BBS1: variants seen among roughly 807,000 people sequenced by gnomAD.
BBS1 encodes the protein BBSome complex member BBS1.
BBS1 carries 60 observed loss-of-function variants against 73.9 expected under a neutral mutation model. The observed-to-expected ratio is 0.81, with a 90% CI of 0.66 to 1.01. The LOEUF (loss-of-function observed/expected upper bound fraction) is 1.01, where lower values mean the gene tolerates loss of function less well. BBS1 is among the 50% of genes least tolerant of loss of function. The probability of loss-of-function intolerance (pLI) is 0.00; values close to 1 mark genes in which losing one functional copy is unlikely to be tolerated. For synonymous variants in BBS1, 283 were observed against 317.4 expected (o/e 0.89, Z 1.15); for missense variants, 718 against 770.3 (o/e 0.93, Z 0.80).
chr11:66,511,541 A>G (rs988491731), intron 3 of BBS1, among the ~76,000 whole-genome samples: 11 of 152,092 alleles, frequency 7.2e-5, no homozygotes, highest in African/African-American at 2.7e-4. Flanking sequence ...TGGGCACTAG[A>G]ATCTGGAGGG....
At position 66,511,073 on chromosome 11, in the gene BBS1, CT is replaced by C; in HGVS notation, c.112del (p.Ser38LeufsTer4). The C allele has an allele frequency of 3.7e-6, 6 of 1,614,202 alleles. No individual in the cohort carries two copies. The highest frequency in any genetic ancestry group is 5.1e-6 in the Non-Finnish European group (6 of 1,180,050). ...HYDPMANIHTFSACLALADLH... is the reference protein window; with the variant it reads ...HYDPMANIHTXSACLALADLH... ...ACGACCCAATGGCCAATATCCACAC[CT>C]TTTCTGCCTGCCTAGGTGAGTCTCT... is the stretch of plus-strand genomic sequence containing the variant. On this transcript the variant is annotated frameshift_variant, in exon 2 of 17. Transcript: ENST00000318312. LOFTEE classifies it high-confidence loss of function.
intron 9 of BBS1, among the ~76,000 whole-genome samples, chr11:66,522,069 T>A (rs1856258121): frequency 6.6e-6 from 1 of 150,420 alleles, no homozygotes; most frequent in Admixed American, 6.6e-5. Flanking sequence ...TACAAAAAAT[T>A]AGCTGGGCAT....
At chr11:66,514,173 TATC>T (rs1167833440) in intron 3 of BBS1, among the ~76,000 whole-genome samples, 1 of 152,238 alleles carries the variant, frequency 6.6e-6, no homozygotes, top group African/African-American at 2.4e-5. Context: ...TGTAACTCAT[TATC>T]TCACTTGATT....
chr11:66,531,801 G>A, intron 16 of BBS1, 59 bp downstream of exon 16: 1 of 1,613,738 alleles, frequency 6.2e-7, no homozygotes, highest in Non-Finnish European at 8.5e-7. Context: ...GGACAGTAAG[G>A]GTGAGTGCCA....
intron 9 of BBS1, among the ~76,000 whole-genome samples, chr11:66,522,579 C>G (rs1223663912): frequency 6.6e-6 from 1 of 152,086 alleles, no homozygotes; most frequent in Non-Finnish European, 1.5e-5. Context: ...AACGCCTGAC[C>G]TTGTGATCCA....
Position 66,526,203 on chromosome 11 carries a change from T to A in BBS1, c.1180+11T>A. On this transcript the variant is annotated intron_variant, in intron 12 of 16. Coordinates refer to ENST00000318312, the MANE Select transcript of BBS1 (RefSeq NM_024649.5). Reference sequence around the variant, plus strand: ...TCATGACCACTCGAGGTGAGTGGAGTCAGACCTGGCAAGGGCTTTGAAGTC... The same window carrying A: ...TCATGACCACTCGAGGTGAGTGGAGACAGACCTGGCAAGGGCTTTGAAGTC... 3 of 1,612,848 alleles carry A rather than the reference T, an allele frequency of 1.9e-6. No individual in the cohort carries two copies. Among genetic ancestry groups the A allele is most frequent in the Non-Finnish European group, 2.5e-6 (3 of 1,179,294 alleles).
intron 10 of BBS1, 30 bp from the exon 11 acceptor site, chr11:66,523,694 C>G (rs755076424): frequency 6.2e-7 from 1 of 1,610,058 alleles, no homozygotes; most frequent in South Asian, 1.1e-5. Context: ...AGCCCTGAGC[C>G]CTCCACAGAC....
intron 1 of BBS1, 105 bp downstream of exon 1, chr11:66,510,811 C>CT: frequency 1.3e-6 from 2 of 1,524,546 alleles, no homozygotes; most frequent in Non-Finnish European, 1.8e-6. Context: ...TGGAAGGACT[C>CT]TTAAGAGGTC....
At position 66,511,085 on chromosome 11, in the gene BBS1, C is replaced by T. The variant is rs1224146191; in HGVS notation, c.120C>T (p.Cys40=). 2 of 1,614,178 alleles carry T rather than the reference C, an allele frequency of 1.2e-6. No individual in the cohort carries two copies. The highest frequency in any genetic ancestry group is 2.7e-5 in the African/African-American group (2 of 75,052). The part of the protein sequence containing the change: ...PMANIHTFSA[C]LALADLHGDG... ...CCAATATCCACACCTTTTCTGCCTG[C>T]CTAGGTGAGTCTCTGGAACCAGGAA... The change falls in exon 2 of 17, where the codon TGC becomes TGT. Residue 40 remains cysteine (C), a synonymous_variant. Coordinates refer to ENST00000318312, the MANE Select transcript of BBS1 (RefSeq NM_024649.5).
intron 6 of BBS1, 41 bp from the exon 7 acceptor site, chr11:66,515,820 C>T (rs754132794): frequency 1.1e-5 from 18 of 1,613,762 alleles, no homozygotes; most frequent in South Asian, 7.7e-5. Context: ...AGGAGGGCAG[C>T]GAGGCCGGGG....
intron 13 of BBS1, chr11:66,527,194 G>C: frequency 1.8e-6 from 1 of 565,854 alleles, no homozygotes; most frequent in Non-Finnish European, 3.1e-6. Flanking sequence ...GTAACATAAT[G>C]ATACTTCTTT....
At chr11:66,519,801 C>T in intron 8 of BBS1, 53 bp downstream of exon 8, 1 of 1,604,504 alleles carries the variant, frequency 6.2e-7, no homozygotes, top group Non-Finnish European at 8.5e-7. Flanking sequence ...TGCATTCTCT[C>T]CCCATGCTCC....
intron 9 of BBS1, chr11:66,522,820 T>C (rs1856300435): frequency 1.3e-5 from 4 of 301,924 alleles, no homozygotes; most frequent in South Asian, 2.9e-5. Context: ...GGATGAGTGC[T>C]ATGGAGAAAA....
chr11:66,526,978 C>G, intron 13 of BBS1, 171 bp downstream of exon 13: 2 of 1,546,066 alleles, frequency 1.3e-6, no homozygotes, highest in Non-Finnish European at 1.7e-6. Context: ...ACGTTGCCTG[C>G]AAATCACTGT....
At position 66,515,572 on chromosome 11, in the gene BBS1, GCT is replaced by G. The variant is rs909968048; in HGVS notation, c.466_467del (p.Leu156GlyfsTer25). ...TCGACCCCTTAACCCTGAAGGAGAT[GCT>G]GGAGAGCATCCGGTGAGAGGCTGCC... is the stretch of plus-strand genomic sequence containing the variant. ...RIDPLTLKEM[L>X]ESIRETAEEP... is the part of the protein sequence containing the mutation. On this transcript the variant is annotated frameshift_variant, in exon 5 of 17. Transcript: ENST00000318312. LOFTEE classifies it high-confidence loss of function. The G allele has an allele frequency of 6.2e-7, 1 of 1,614,170 alleles. No homozygotes were observed. The highest frequency in any genetic ancestry group is 1.3e-5 in the African/African-American group (1 of 75,038).
chr11:66,526,970 G>A lies in BBS1; in HGVS notation c.1339+163G>A, dbSNP rs1266533059. 7 of 1,551,674 alleles carry A rather than the reference G, an allele frequency of 4.5e-6. No homozygotes were observed. Among genetic ancestry groups the A allele is most frequent in the Non-Finnish European group, 6.1e-6 (7 of 1,154,644 alleles). On this transcript the variant is annotated intron_variant, in intron 13 of 16. Coordinates refer to ENST00000318312, the MANE Select transcript of BBS1 (RefSeq NM_024649.5). ...TCCAGGGACAGCCTAGGAGGTACAC[G>A]TTGCCTGCAAATCACTGTTCCTCAG...
chr11:66,528,662 C>G (rs561668461), intron 13 of BBS1, among the ~76,000 whole-genome samples: 1 of 152,192 alleles, frequency 6.6e-6, no homozygotes, highest in Admixed American at 6.5e-5. Context: ...CAACTTGCTT[C>G]TAGAAAAGAA....
At chr11:66,515,508 AGCTCACAG>A (rs778800502) in intron 4 of BBS1, 24 bp from the exon 5 acceptor site, 2 of 1,613,302 alleles carry the variant, frequency 1.2e-6, no homozygotes, top group Non-Finnish European at 1.7e-6. Flanking sequence ...GCCTGGCTTG[AGCTCACAG>A]GCTCTCTTCC....
intron 13 of BBS1, chr11:66,527,161 C>A: frequency 1.5e-6 from 1 of 686,892 alleles, no homozygotes. Flanking sequence ...CAGCATGAGC[C>A]CAGGAGTTCA....
Sources: gnomAD v4.1 joint callset for allele counts (sites outside exome capture counted in the v4.1 genomes callset) on GRCh38, gnomAD v4.1.1 for gene constraint, MANE v1.5 for transcripts, NCBI Gene and HGNC (gene_info 2026-07-23, HGNC 2026-07-21) for gene names.